Variants in LINGO2 observed in about 807,000 individuals in gnomAD.
LINGO2 encodes leucine rich repeat and Ig domain containing 2.
In LINGO2, 14 loss-of-function variants were observed where a neutral mutation model predicts 30.6. That is an observed-to-expected ratio of 0.46 (90% CI 0.30 to 0.72). LINGO2 has a LOEUF of 0.72. Ranked by LOEUF, LINGO2 falls within the 30% of genes least tolerant of loss-of-function variation. LINGO2 has a pLI of 0.07. For missense variants in LINGO2, 729 were observed against 751.7 expected (o/e 0.97, Z 0.35); for synonymous variants, 317 against 288.5 (o/e 1.10, Z -1.00).
the LINGO2 span, among the ~76,000 whole-genome samples, chr9:28,737,246 C>G: frequency 6.6e-6 from 1 of 152,166 alleles, no homozygotes; most frequent in Non-Finnish European, 1.5e-5. Context: ...CCCAGTCACT[C>G]CAGTCATCCA....
At chr9:27,970,770 A>T (rs570546439) in intron 5 of LINGO2, among the ~76,000 whole-genome samples, 1 of 152,176 alleles carries the variant, frequency 6.6e-6, no homozygotes, top group African/African-American at 2.4e-5. Flanking sequence ...ATGATTAAAA[A>T]CTTGGAACTA....
chr9:28,699,982 T>C, the LINGO2 span, among the ~76,000 whole-genome samples: 2 of 151,876 alleles, frequency 1.3e-5, no homozygotes, highest in South Asian at 2.1e-4. Context: ...TTATCAGGAG[T>C]TTCTGATTTT....
the LINGO2 span, among the ~76,000 whole-genome samples, chr9:29,138,004 T>G: frequency 6.6e-6 from 1 of 152,022 alleles, no homozygotes; most frequent in Admixed American, 6.6e-5. Flanking sequence ...AAATGTAATA[T>G]TATTTAGCAC....
intron 4 of LINGO2, among the ~76,000 whole-genome samples, chr9:28,065,470 G>A (rs898828627): frequency 3.3e-5 from 5 of 152,138 alleles, no homozygotes; most frequent in East Asian, 3.9e-4. Context: ...TAGTAAAAAC[G>A]GGCAGTGATT....
the LINGO2 span, among the ~76,000 whole-genome samples, chr9:28,842,466 A>C: frequency 6.6e-6 from 1 of 151,870 alleles, no homozygotes; most frequent in Admixed American, 6.6e-5. Context: ...AACTGTTGGA[A>C]ATGAATGGAG....
At chr9:29,152,360 T>G in the LINGO2 span, among the ~76,000 whole-genome samples, 1 of 152,160 alleles carries the variant, frequency 6.6e-6, no homozygotes, top group Non-Finnish European at 1.5e-5. Context: ...CACATGCATT[T>G]TCATGTTCAT....
the LINGO2 span, among the ~76,000 whole-genome samples, chr9:29,187,847 C>T: frequency 3.0e-5 from 4 of 133,030 alleles, no homozygotes; most frequent in African/African-American, 1.1e-4. Context: ...GGTTTTAACT[C>T]TTAATATAAC....
At chr9:28,896,658 C>CA in the LINGO2 span, among the ~76,000 whole-genome samples, 4 of 151,758 alleles carry the variant, frequency 2.6e-5, no homozygotes, top group Admixed American at 2.0e-4. Flanking sequence ...TTTATTTTAG[C>CA]AAAAAAATAC....
intron 5 of LINGO2, among the ~76,000 whole-genome samples, chr9:28,006,604 A>G (rs1822280077): frequency 6.6e-6 from 1 of 152,272 alleles, no homozygotes; most frequent in South Asian, 2.1e-4. Context: ...CATGAACTCA[A>G]TGATGATGCA....
chr9:28,406,751 G>C (rs535803665), intron 2 of LINGO2, among the ~76,000 whole-genome samples: 7 of 152,042 alleles, frequency 4.6e-5, no homozygotes, highest in Non-Finnish European at 8.8e-5. Flanking sequence ...TGTTCTTTAA[G>C]GACCAAGTTA....
intron 1 of LINGO2, among the ~76,000 whole-genome samples, chr9:28,611,091 T>A (rs1217839368): frequency 6.6e-6 from 1 of 152,124 alleles, no homozygotes; most frequent in Non-Finnish European, 1.5e-5. Flanking sequence ...TCACACACCA[T>A]CAGATGTGAT....
chr9:28,572,654 A>G (rs566112912), intron 1 of LINGO2, among the ~76,000 whole-genome samples: 1 of 151,840 alleles, frequency 6.6e-6, no homozygotes, highest in African/African-American at 2.4e-5. Context: ...TCTTCCTTTC[A>G]GCGCTCTTGA....
rs578030731 is a variant in LINGO2 at position 28,632,901 on chromosome 9, G to C, written c.-365+37299C>G. On this transcript the variant is annotated intron_variant, in intron 1 of 5. Transcript: ENST00000379992. The stretch of plus-strand genomic sequence containing the variant: ...ATATGTAGAGAGAGAGAGAGAGAGA[G>C]AGAGAGAGAGAGGAGTTGATTAGGT... Among the ~76,000 whole-genome samples the C allele has an allele frequency of 2.8e-5, 4 of 140,590 alleles. No individual in the cohort carries two copies. In the East Asian group the frequency reaches 6.1e-4, roughly 21 times the overall value. 92.2% of individuals were successfully genotyped at this position (140,590 alleles called of 152,430 possible).
At chr9:28,583,169 A>T (rs1824347440) in intron 1 of LINGO2, among the ~76,000 whole-genome samples, 1 of 152,032 alleles carries the variant, frequency 6.6e-6, no homozygotes, top group African/African-American at 2.4e-5. Flanking sequence ...ACCAAAGAAA[A>T]GTGATTAATA....
chr9:28,704,485 C>A, the LINGO2 span, among the ~76,000 whole-genome samples: 1 of 151,982 alleles, frequency 6.6e-6, no homozygotes, highest in South Asian at 2.1e-4. Flanking sequence ...AATTTGAGGA[C>A]ATTCTGAGTC....
the LINGO2 span, among the ~76,000 whole-genome samples, chr9:29,152,477 A>G: frequency 6.6e-6 from 1 of 152,216 alleles, no homozygotes; most frequent in Admixed American, 6.5e-5. Context: ...TATGAAAGCC[A>G]TGAAAAGAAC....
At chr9:27,971,759 G>A (rs1328557961) in intron 5 of LINGO2, among the ~76,000 whole-genome samples, 3 of 152,074 alleles carry the variant, frequency 2.0e-5, no homozygotes, top group South Asian at 4.2e-4. Flanking sequence ...GATAAGTCAG[G>A]TTTGTTTATA....
the LINGO2 span, among the ~76,000 whole-genome samples, chr9:29,171,487 T>C: frequency 6.6e-6 from 1 of 152,024 alleles, no homozygotes; most frequent in Non-Finnish European, 1.5e-5. Flanking sequence ...CGTCAGTTGC[T>C]TTTGAAAATA....
intron 1 of LINGO2, among the ~76,000 whole-genome samples, chr9:28,485,515 A>G (rs1467415993): frequency 6.6e-6 from 1 of 152,124 alleles, no homozygotes; most frequent in African/African-American, 2.4e-5. Context: ...AAAGCTCATT[A>G]TAGCCTGAAG....
Sources: gnomAD v4.1 joint callset for allele counts (sites outside exome capture counted in the v4.1 genomes callset) on GRCh38, gnomAD v4.1.1 for gene constraint, MANE v1.5 for transcripts, NCBI Gene and HGNC (gene_info 2026-07-23, HGNC 2026-07-21) for gene names.